The following PHYHIPL variants were observed in gnomAD, a reference collection of about 807,000 sequenced individuals.
PHYHIPL encodes phytanoyl-CoA 2-hydroxylase interacting protein like.
A neutral mutation model predicts 33.4 loss-of-function variants in PHYHIPL; 9 were observed. That is an observed-to-expected ratio of 0.27 (90% confidence interval 0.16 to 0.47). The LOEUF (loss-of-function observed/expected upper bound fraction) is 0.47. PHYHIPL is among the 20% of genes least tolerant of loss of function. PHYHIPL has a pLI of 0.99. For synonymous variants in PHYHIPL, 153 were observed against 154.1 expected, an observed-to-expected ratio of 0.99 and a Z score of 0.05; for missense variants, 365 against 460.7, an observed-to-expected ratio of 0.79 and a Z score of 1.90.
At chr10:59,205,340 G>T (rs939148652) in intron 1 of PHYHIPL, among the ~76,000 whole-genome samples, 1 of 151,888 alleles carries the variant, frequency 6.6e-6, no homozygotes, top group South Asian at 2.1e-4. Context: ...GGGACCAAAA[G>T]GGAAGTAGTT....
chr10:59,226,984 T>C (rs1033314625), intron 1 of PHYHIPL, among the ~76,000 whole-genome samples: 4 of 152,102 alleles, frequency 2.6e-5, no homozygotes, highest in Non-Finnish European at 4.4e-5. Context: ...ATTTAGCCAA[T>C]ATAAAAGATG....
At chr10:59,196,123 A>G (rs1272030655) in intron 1 of PHYHIPL, among the ~76,000 whole-genome samples, 2 of 152,092 alleles carry the variant, frequency 1.3e-5, no homozygotes, top group African/African-American at 2.4e-5. Flanking sequence ...TACCTTTTCC[A>G]ACTGTGATAG....
At position 59,247,741 on chromosome 10, in the gene PHYHIPL, C is replaced by T; in HGVS notation, c.*2150C>T. ...CCTATCTTCCTTTTGTGGACTTCTGCAAAACAAAAATACATTTGTTAGTTC... is the reference window on the plus strand; with the variant it reads ...CCTATCTTCCTTTTGTGGACTTCTGTAAAACAAAAATACATTTGTTAGTTC... On this transcript the variant is annotated 3_prime_UTR_variant, in exon 5 of 5. Coordinates refer to ENST00000373880, the MANE Select transcript of PHYHIPL (RefSeq NM_032439.4). The T allele has an allele frequency of 6.2e-7, 1 of 1,605,842 alleles. No individual in the cohort carries two copies. Among genetic ancestry groups the T allele is most frequent in the Non-Finnish European group, 8.5e-7 (1 of 1,176,894 alleles).
In PHYHIPL at chr10:59,247,261, C is replaced by T. The variant is rs573637797; in HGVS notation, c.*1670C>T. The T allele has an allele frequency of 5.3e-6, 1 of 190,054 alleles. No individual in the cohort carries two copies. The highest frequency in any genetic ancestry group is 6.3e-5 in the Admixed American group (1 of 15,944). The allele number at this position is 190,054 out of a possible 1,614,324, so 11.8% of individuals were successfully genotyped here. On this transcript the variant is annotated 3_prime_UTR_variant, in exon 5 of 5. Coordinates refer to ENST00000373880, the MANE Select transcript of PHYHIPL (RefSeq NM_032439.4). ...GCTCTTTTCCATACATCAACATAAA[C>T]AGTCTTTGGATACTAAATAAACTTT...
Position 59,234,470 on chromosome 10 carries a change from GA to G in PHYHIPL, c.275del (p.Asn92ThrfsTer25). 3 of 1,557,340 alleles carry G rather than the reference GA, an allele frequency of 1.9e-6. No homozygotes were observed. Among genetic ancestry groups the G allele is most frequent in the African/African-American group, 1.4e-5 (1 of 70,880 alleles). On this transcript the variant is annotated frameshift_variant, in exon 2 of 5. Coordinates refer to ENST00000373880, the MANE Select transcript of PHYHIPL (RefSeq NM_032439.4). LOFTEE classifies it high-confidence loss of function. ...ATTTTATTGACCTCAACAAGAAAGA[GA>G]ACAAGAACTCCAATAAATTTAAACA... ...HYFIDLNKKE[N>X]KNSNKFKHKD...
intron 1 of PHYHIPL, among the ~76,000 whole-genome samples, chr10:59,182,793 A>G (rs1838446495): frequency 1.3e-5 from 2 of 152,302 alleles, no homozygotes; most frequent in South Asian, 4.1e-4. Context: ...ATGGTATATA[A>G]GAAACCAAAA....
Position 59,206,974 on chromosome 10 carries a change from T to C in PHYHIPL, c.107-27330T>C, listed in dbSNP as rs180837526. On this transcript the variant is annotated intron_variant, in intron 1 of 4. Transcript: ENST00000373880. ...AAGATGGGCTTCTTTAGCAAAACAATACAGTAAGAGGGCCCTTTTCTCAAT... is the reference window on the plus strand; with the variant it reads ...AAGATGGGCTTCTTTAGCAAAACAACACAGTAAGAGGGCCCTTTTCTCAAT... 9.7e-4 allele frequency: 228 copies of C among 234,346 alleles called. 4 individuals are homozygous for C. The highest frequency in any genetic ancestry group is 2.2e-3 in the Middle Eastern group (2 of 890). The allele number at this position is 234,346 out of a possible 1,614,324, so 14.5% of individuals were successfully genotyped here. A position where few individuals can be genotyped will look rare whatever the true frequency, so the allele number is the denominator to read the frequency against.
chr10:59,233,108 A>G (rs968893588), intron 1 of PHYHIPL, among the ~76,000 whole-genome samples: 11 of 151,962 alleles, frequency 7.2e-5, no homozygotes, highest in African/African-American at 2.7e-4. Flanking sequence ...AGGATTTTTA[A>G]AAGTATTGTT....
At position 59,246,576 on chromosome 10, in the gene PHYHIPL, T is replaced by C. The variant is rs1409446200; in HGVS notation, c.*985T>C. 2 of 396,982 alleles carry C rather than the reference T, an allele frequency of 5.0e-6. No individual in the cohort carries two copies. The highest frequency in any genetic ancestry group is 4.1e-5 in the African/African-American group (2 of 48,594). 24.6% of individuals were successfully genotyped at this position (396,982 alleles called of 1,614,324 possible). A position where few individuals can be genotyped will look rare whatever the true frequency, so the allele number is the denominator to read the frequency against. ...CAAAAATGAAAATAATAAACATGTTTTCGTATAAAATAACACAAAATGATA... is the reference window on the plus strand; with the variant it reads ...CAAAAATGAAAATAATAAACATGTTCTCGTATAAAATAACACAAAATGATA... On this transcript the variant is annotated 3_prime_UTR_variant, in exon 5 of 5. Coordinates refer to ENST00000373880, the MANE Select transcript of PHYHIPL (RefSeq NM_032439.4).
intron 1 of PHYHIPL, among the ~76,000 whole-genome samples, chr10:59,183,308 T>C (rs1455706811): frequency 6.6e-6 from 1 of 152,190 alleles, no homozygotes; most frequent in Non-Finnish European, 1.5e-5. Context: ...GGAGACATTT[T>C]TGAGAGATTA....
At chr10:59,183,819 G>T (rs984670211) in intron 1 of PHYHIPL, 22 of 277,340 alleles carry the variant, frequency 7.9e-5, no homozygotes, top group Non-Finnish European at 1.1e-4. Flanking sequence ...AGTGGTTGTG[G>T]CAACTAGTGT....
At chr10:59,240,479 ATCTAACAG>A (rs1840360151) in intron 4 of PHYHIPL, among the ~76,000 whole-genome samples, 1 of 151,918 alleles carries the variant, frequency 6.6e-6, no homozygotes, top group African/African-American at 2.4e-5. Context: ...GGGCAAAATT[ATCTAACAG>A]AAAGTCTATT....
intron 1 of PHYHIPL, among the ~76,000 whole-genome samples, chr10:59,188,961 T>C (rs1838701693): frequency 6.6e-6 from 1 of 152,114 alleles, no homozygotes; most frequent in African/African-American, 2.4e-5. Flanking sequence ...AGAAATGCTA[T>C]ATATGCACAT....
At chr10:59,206,843 C>A in intron 1 of PHYHIPL, 1 of 1,148,034 alleles carries the variant, frequency 8.7e-7, no homozygotes, top group Non-Finnish European at 1.1e-6. Context: ...AAGTGATTAA[C>A]TGTAAGTGCA....
At chr10:59,228,959 G>A (rs893626779) in intron 1 of PHYHIPL, among the ~76,000 whole-genome samples, 1 of 152,036 alleles carries the variant, frequency 6.6e-6, no homozygotes, top group Admixed American at 6.6e-5. Flanking sequence ...AAAACTGGTG[G>A]GACTAAGGAG....
intron 1 of PHYHIPL, among the ~76,000 whole-genome samples, chr10:59,192,363 G>A (rs1838804962): frequency 6.6e-6 from 1 of 152,102 alleles, no homozygotes; most frequent in Non-Finnish European, 1.5e-5. Flanking sequence ...AAAATAGATT[G>A]CTGGGACCCA....
At chr10:59,241,949 T>A (rs1840410436) in intron 4 of PHYHIPL, among the ~76,000 whole-genome samples, 1 of 152,048 alleles carries the variant, frequency 6.6e-6, no homozygotes, top group African/African-American at 2.4e-5. Context: ...GAGACTGAGA[T>A]GACTTTGAAT....
rs761971256 is a variant in PHYHIPL at position 59,234,464 on chromosome 10, G to A, written c.267G>A (p.Lys89=). Reference sequence around the variant, plus strand: ...CACACTATTTTATTGACCTCAACAAGAAAGAGAACAAGAACTCCAATAAAT... The same window carrying A: ...CACACTATTTTATTGACCTCAACAAAAAAGAGAACAAGAACTCCAATAAAT... ...RITHYFIDLN[K]KENKNSNKFK... Residue 89 remains lysine (K), a synonymous_variant, in exon 2 of 5, where the codon AAG becomes AAA. Coordinates refer to ENST00000373880, the MANE Select transcript of PHYHIPL (RefSeq NM_032439.4). The A allele has an allele frequency of 2.6e-6, 4 of 1,567,268 alleles. No individual in the cohort carries two copies. In the Admixed American group the frequency reaches 6.4e-5, roughly 25 times the overall value.
intron 1 of PHYHIPL, among the ~76,000 whole-genome samples, chr10:59,190,420 C>T (rs1197393409): frequency 1.3e-5 from 2 of 151,674 alleles, no homozygotes; most frequent in Non-Finnish European, 3.0e-5. Flanking sequence ...GTGACAGAAT[C>T]GATTCATCAG....
Sources: gnomAD v4.1 joint callset for allele counts (sites outside exome capture counted in the v4.1 genomes callset) on GRCh38, gnomAD v4.1.1 for gene constraint, MANE v1.5 for transcripts, NCBI Gene and HGNC (gene_info 2026-07-23, HGNC 2026-07-21) for gene names.